Variants in ADAM23 observed in about 807,000 individuals in gnomAD.
The protein encoded by ADAM23 is disintegrin and metalloproteinase domain-containing protein 23.
ADAM23 carries 33 observed loss-of-function variants against 120.1 expected under a neutral mutation model. That is an observed-to-expected ratio of 0.27 (90% confidence interval 0.21 to 0.37). The LOEUF is 0.37. Ranked by LOEUF, ADAM23 falls within the 10% of genes least tolerant of loss-of-function variation. The pLI is 1.00. For synonymous variants in ADAM23, 367 were observed against 375.2 expected (o/e 0.98, Z 0.25); for missense variants, 862 against 1,058.2 (o/e 0.81, Z 2.57).
chr2:206,589,110 A>G (rs1698379861), intron 20 of ADAM23, among the ~76,000 whole-genome samples: 2 of 152,142 alleles, frequency 1.3e-5, no homozygotes, highest in South Asian at 4.1e-4. Flanking sequence ...CTCACCAACA[A>G]GGATTGGAGA....
intron 2 of ADAM23, among the ~76,000 whole-genome samples, chr2:206,466,372 G>A (rs1695542453): frequency 6.6e-6 from 1 of 152,130 alleles, no homozygotes; most frequent in Non-Finnish European, 1.5e-5. Context: ...ATATCTCTTG[G>A]TTTTCAAAGT....
At chr2:206,577,269 TTTA>T (rs1357838163) in intron 18 of ADAM23, among the ~76,000 whole-genome samples, 1 of 152,036 alleles carries the variant, frequency 6.6e-6, no homozygotes, top group Non-Finnish European at 1.5e-5. Flanking sequence ...TTTTTTTTCT[TTTA>T]TTATTATACT....
At chr2:206,610,162 G>T (rs764503705) in intron 25 of ADAM23, among the ~76,000 whole-genome samples, 162 bp downstream of exon 25, 70 of 152,258 alleles carry the variant, frequency 4.6e-4, no homozygotes, top group Non-Finnish European at 9.1e-4. Context: ...GAAGAAACAC[G>T]GACCCTCAAC....
chr2:206,616,398 A>G (rs1425087411), intron 25 of ADAM23, among the ~76,000 whole-genome samples: 1 of 152,248 alleles, frequency 6.6e-6, no homozygotes, highest in African/African-American at 2.4e-5. Flanking sequence ...TGAGTCACAC[A>G]CTTAGGTCAC....
intron 2 of ADAM23, among the ~76,000 whole-genome samples, chr2:206,476,953 GT>G (rs1695787653): frequency 6.6e-6 from 1 of 152,146 alleles, no homozygotes. Context: ...GTGAAACATA[GT>G]TGCATGAAAA....
chr2:206,477,235 C>T lies in ADAM23; in HGVS notation c.433-3997C>T, dbSNP rs186370063. 4.6e-5 allele frequency among the ~76,000 whole-genome samples: 7 copies of T among 152,240 alleles called. No individual in the cohort carries two copies. The East Asian group carries it at 9.7e-4, about 21-fold the overall frequency. ...AAGTTATTTAATATACCATTAGATGCCATCCACTAGAAAGAAAAAATAAAA... is the reference window on the plus strand; with the variant it reads ...AAGTTATTTAATATACCATTAGATGTCATCCACTAGAAAGAAAAAATAAAA... On this transcript the variant is annotated intron_variant, in intron 2 of 25. Coordinates refer to ENST00000264377, the MANE Select transcript of ADAM23 (RefSeq NM_003812.4).
chr2:206,548,157 T>C (rs1048597357), intron 7 of ADAM23, 124 bp from the exon 8 acceptor site: 2 of 758,592 alleles, frequency 2.6e-6, no homozygotes, highest in African/African-American at 3.5e-5. Flanking sequence ...TAATGATCAG[T>C]GTGCTTTTTT....
At chr2:206,480,837 G>A (rs1162382571) in intron 2 of ADAM23, among the ~76,000 whole-genome samples, 1 of 152,194 alleles carries the variant, frequency 6.6e-6, no homozygotes, top group Admixed American at 6.5e-5. Context: ...GAAGAGCAGA[G>A]CACTGACATG....
At chr2:206,478,204 CAG>C (rs1419360591) in intron 2 of ADAM23, among the ~76,000 whole-genome samples, 2 of 151,664 alleles carry the variant, frequency 1.3e-5, no homozygotes, top group African/African-American at 4.8e-5. Context: ...GAAAGAGAAA[CAG>C]AATGTAAGCA....
rs563273907 is a variant in ADAM23 at position 206,544,269 on chromosome 2, C to T, written c.720+953C>T. ...ATTATATTATAAAATACTTAGTTTT[C>T]TTTACAGATAGGGAAGAAAATAATG... is the stretch of plus-strand genomic sequence containing the variant. On this transcript the variant is annotated intron_variant, in intron 6 of 25. Coordinates refer to ENST00000264377, the MANE Select transcript of ADAM23 (RefSeq NM_003812.4). 1.9e-3 allele frequency among the ~76,000 whole-genome samples: 295 copies of T among 152,128 alleles called. 1 individual carries two copies. The highest frequency in any genetic ancestry group is 6.7e-3 in the African/African-American group (276 of 41,500).
At chr2:206,551,964 A>T (rs1697536517) in intron 9 of ADAM23, among the ~76,000 whole-genome samples, 1 of 152,176 alleles carries the variant, frequency 6.6e-6, no homozygotes, top group Admixed American at 6.5e-5. Context: ...CAGTCATTTT[A>T]GACAGTAAAG....
chr2:206,554,108 G>T (rs1158118245), intron 9 of ADAM23, among the ~76,000 whole-genome samples: 1 of 151,994 alleles, frequency 6.6e-6, no homozygotes, highest in Non-Finnish European at 1.5e-5. Context: ...GCAGGAAATA[G>T]AAACATTCTG....
At chr2:206,582,342 C>T (rs1045986558) in intron 18 of ADAM23, among the ~76,000 whole-genome samples, 5 of 152,152 alleles carry the variant, frequency 3.3e-5, no homozygotes, top group African/African-American at 1.2e-4. Flanking sequence ...TTTGTTTTGT[C>T]TGATATAAGA....
chr2:206,517,847 C>G lies in ADAM23; in HGVS notation c.510-13038C>G, dbSNP rs372011812. Among the ~76,000 whole-genome samples the G allele has an allele frequency of 1.3e-4, 20 of 152,280 alleles. No homozygotes were observed. The East Asian group carries it at 1.9e-3, about 15-fold the overall frequency. On this transcript the variant is annotated intron_variant, in intron 3 of 25. Coordinates refer to ENST00000264377, the MANE Select transcript of ADAM23 (RefSeq NM_003812.4). ...CATAATGGACCATATACAGTTAATGCTAGCATTTCTACCAGGGTTCTAAAA... is the reference window on the plus strand; with the variant it reads ...CATAATGGACCATATACAGTTAATGGTAGCATTTCTACCAGGGTTCTAAAA...
chr2:206,487,546 C>T (rs1478130093), intron 3 of ADAM23, among the ~76,000 whole-genome samples: 1 of 152,196 alleles, frequency 6.6e-6, no homozygotes, highest in African/African-American at 2.4e-5. Context: ...ACCAGACATC[C>T]ATTAAAGAAC....
At chr2:206,617,482 A>G (rs1698956190) in intron 25 of ADAM23, 97 bp from the exon 26 acceptor site, 2 of 1,360,482 alleles carry the variant, frequency 1.5e-6, no homozygotes, top group African/African-American at 2.9e-5. Flanking sequence ...TGGAACTAGC[A>G]TTATTGTCAT....
In ADAM23 at chr2:206,570,780, C is replaced by G; in HGVS notation, c.1535C>G (p.Ala512Gly). The change falls in exon 16 of 26, where the codon GCT becomes GGT. Residue 512 changes from alanine (A) to glycine (G), a missense_variant. Coordinates refer to ENST00000264377, the MANE Select transcript of ADAM23 (RefSeq NM_003812.4). ...GAATGTGGAAATGGATACGTGGAAGCTGGGGAGGAGTGTGATTGTGGTTTT... is the reference window on the plus strand; with the variant it reads ...GAATGTGGAAATGGATACGTGGAAGGTGGGGAGGAGTGTGATTGTGGTTTT... ...PTECGNGYVE[A>G]GEECDCGFHV... 1 of 1,613,836 alleles carries G rather than the reference C, an allele frequency of 6.2e-7. No individual in the cohort carries two copies. The highest frequency in any genetic ancestry group is 8.5e-7 in the Non-Finnish European group (1 of 1,179,808).
chr2:206,500,663 G>T (rs1696368661), intron 3 of ADAM23, among the ~76,000 whole-genome samples: 2 of 152,124 alleles, frequency 1.3e-5, no homozygotes, highest in African/African-American at 4.8e-5. Context: ...TTGGCATCAA[G>T]GGACCTCCAG....
At chr2:206,581,048 C>G (rs574414129) in intron 18 of ADAM23, among the ~76,000 whole-genome samples, 54 of 152,196 alleles carry the variant, frequency 3.5e-4, no homozygotes, top group Admixed American at 1.1e-3. Context: ...TCAGTGGTGT[C>G]AGTTGTAATA....
Sources: gnomAD v4.1 joint callset for allele counts (sites outside exome capture counted in the v4.1 genomes callset) on GRCh38, gnomAD v4.1.1 for gene constraint, MANE v1.5 for transcripts, NCBI Gene and HGNC (gene_info 2026-07-23, HGNC 2026-07-21) for gene names.